The following GPC5 variants were observed in gnomAD, a reference collection of about 807,000 sequenced individuals.
GPC5 encodes the protein glypican-5.
A neutral mutation model predicts 53.9 loss-of-function variants in GPC5; 47 were observed. The observed-to-expected ratio is 0.87, with a 90% CI of 0.69 to 1.11. The LOEUF (loss-of-function observed/expected upper bound fraction) is 1.11, where lower values mean the gene tolerates loss of function less well. Among genes scored for constraint, GPC5 ranks in the 50% most tolerant of loss-of-function variants. GPC5 has a pLI of 0.00. For synonymous variants in GPC5, 286 were observed against 263.3 expected (o/e 1.09, Z -0.84); for missense variants, 748 against 713.1 (o/e 1.05, Z -0.56).
At chr13:91,653,645 A>T (rs990822068) in intron 2 of GPC5, among the ~76,000 whole-genome samples, 5 of 152,114 alleles carry the variant, frequency 3.3e-5, no homozygotes, top group African/African-American at 1.2e-4. Flanking sequence ...TTTCCAGAAC[A>T]ATGTTGAGAA....
intron 7 of GPC5, among the ~76,000 whole-genome samples, chr13:92,658,738 AAAG>A (rs1376622727): frequency 1.3e-5 from 2 of 152,130 alleles, no homozygotes; most frequent in Non-Finnish European, 2.9e-5. Context: ...ATGAGGAAAA[AAAG>A]AAGAAATATT....
intron 7 of GPC5, among the ~76,000 whole-genome samples, chr13:92,785,419 A>G (rs771960912): frequency 1.3e-5 from 2 of 152,168 alleles, no homozygotes; most frequent in African/African-American, 2.4e-5. Context: ...TGTTGGAGGC[A>G]TTAGATTTCC....
At chr13:92,611,493 A>G (rs1884434502) in intron 7 of GPC5, among the ~76,000 whole-genome samples, 1 of 152,200 alleles carries the variant, frequency 6.6e-6, no homozygotes, top group South Asian at 2.1e-4. Flanking sequence ...AACATAATGT[A>G]TTCAAAGTAT....
intron 2 of GPC5, among the ~76,000 whole-genome samples, chr13:91,682,661 A>C (rs140539298): frequency 5.6e-4 from 85 of 152,338 alleles, no homozygotes; most frequent in African/African-American, 2.0e-3. Context: ...CACCCAGGAA[A>C]GGCAGGAGGG....
chr13:91,677,294 A>T lies in GPC5; in HGVS notation c.326-15893A>T, dbSNP rs531593790. Among the ~76,000 whole-genome samples the T allele has an allele frequency of 8.5e-5, 13 of 152,284 alleles. No individual in the cohort carries two copies. In the South Asian group the frequency reaches 2.7e-3, roughly 32 times the overall value. ...AAATGATACTTGGTACTTTTTAATG[A>T]TTTTCAAATATATGACTGCAGCTCC... On this transcript the variant is annotated intron_variant, in intron 2 of 7. Coordinates refer to ENST00000377067, the MANE Select transcript of GPC5 (RefSeq NM_004466.6).
chr13:92,433,549 T>A (rs1424170859), intron 7 of GPC5, among the ~76,000 whole-genome samples: 1 of 152,112 alleles, frequency 6.6e-6, no homozygotes, highest in Non-Finnish European at 1.5e-5. Flanking sequence ...ATTCACGTAG[T>A]ATGGAGGAGC....
intron 7 of GPC5, among the ~76,000 whole-genome samples, chr13:92,862,125 C>T (rs564850333): frequency 1.3e-5 from 2 of 152,252 alleles, no homozygotes; most frequent in South Asian, 4.2e-4. Context: ...GAATGGGGCA[C>T]AACTGGAATT....
chr13:92,346,600 C>G lies in GPC5; in HGVS notation c.1561+201611C>G, dbSNP rs115148928. On this transcript the variant is annotated intron_variant, in intron 7 of 7. Transcript: ENST00000377067. Reference sequence around the variant, plus strand: ...CACTTAAAAAGATCAGAAGAGGAGGCCGTCTCCTCAAATTCACAGAAAACA... The same window carrying G: ...CACTTAAAAAGATCAGAAGAGGAGGGCGTCTCCTCAAATTCACAGAAAACA... Among the ~76,000 whole-genome samples, 953 of 152,256 alleles carry G rather than the reference C, an allele frequency of 6.3e-3. 5 individuals are homozygous for G. The highest frequency in any genetic ancestry group is 0.022 in the African/African-American group (897 of 41,538).
intron 7 of GPC5, among the ~76,000 whole-genome samples, chr13:92,263,826 G>A (rs1267107045): frequency 6.6e-6 from 1 of 152,058 alleles, no homozygotes; most frequent in Non-Finnish European, 1.5e-5. Context: ...CAAAGATTGA[G>A]GTAAGTGACT....
chr13:92,161,039 G>GTT (rs144315494), intron 7 of GPC5, among the ~76,000 whole-genome samples: 5 of 142,708 alleles, frequency 3.5e-5, no homozygotes, highest in East Asian at 2.1e-4. Flanking sequence ...GCTCAAAAGT[G>GTT]TTTTTTTTTT....
At chr13:92,758,205 C>A (rs917983920) in intron 7 of GPC5, among the ~76,000 whole-genome samples, 1 of 147,366 alleles carries the variant, frequency 6.8e-6, no homozygotes, top group African/African-American at 2.5e-5. Flanking sequence ...AATTGGAAAT[C>A]ATCATTCTCA....
intron 5 of GPC5, among the ~76,000 whole-genome samples, chr13:91,906,520 A>G (rs2039554612): frequency 6.6e-6 from 1 of 152,068 alleles, no homozygotes; most frequent in Non-Finnish European, 1.5e-5. Flanking sequence ...ATATTGCTGA[A>G]ATCTATGGTT....
intron 7 of GPC5, among the ~76,000 whole-genome samples, chr13:92,209,942 C>A (rs1382148873): frequency 6.6e-6 from 1 of 152,126 alleles, no homozygotes; most frequent in African/African-American, 2.4e-5. Context: ...TGTTCCAGGA[C>A]AGGAAACATC....
chr13:91,732,558 T>TG (rs1298906467), intron 4 of GPC5, among the ~76,000 whole-genome samples: 1 of 152,184 alleles, frequency 6.6e-6, no homozygotes, highest in African/African-American at 2.4e-5. Context: ...TGGCTTTTGT[T>TG]GCAATTGCTT....
At chr13:92,335,400 G>A (rs1187461899) in intron 7 of GPC5, among the ~76,000 whole-genome samples, 1 of 152,084 alleles carries the variant, frequency 6.6e-6, no homozygotes, top group African/African-American at 2.4e-5. Flanking sequence ...CCTCGTCCTG[G>A]TCAAAGCAAC....
intron 4 of GPC5, among the ~76,000 whole-genome samples, chr13:91,749,677 A>G (rs545653661): frequency 3.9e-5 from 6 of 152,370 alleles, no homozygotes; most frequent in East Asian, 1.9e-4. Context: ...ACCATTTTCC[A>G]TAGAAGTTGA....
chr13:91,926,178 G>A (rs1396971610), intron 6 of GPC5, among the ~76,000 whole-genome samples: 2 of 151,710 alleles, frequency 1.3e-5, no homozygotes, highest in South Asian at 2.1e-4. Flanking sequence ...TAACTAACAC[G>A]GTGAAACCCC....
chr13:92,219,881 T>C (rs1425094093), intron 7 of GPC5, among the ~76,000 whole-genome samples: 2 of 152,132 alleles, frequency 1.3e-5, no homozygotes, highest in Non-Finnish European at 2.9e-5. Context: ...AGAAAATCTG[T>C]AATCAGGCTC....
chr13:92,348,076 A>G (rs1014386552), intron 7 of GPC5, among the ~76,000 whole-genome samples: 4 of 144,770 alleles, frequency 2.8e-5, no homozygotes, highest in African/African-American at 1.0e-4. Context: ...CAAAGTATCT[A>G]CAAAACAACC....
Sources: gnomAD v4.1 joint callset for allele counts (sites outside exome capture counted in the v4.1 genomes callset) on GRCh38, gnomAD v4.1.1 for gene constraint, MANE v1.5 for transcripts, NCBI Gene and HGNC (gene_info 2026-07-23, HGNC 2026-07-21) for gene names.